DCDC2: variants seen among roughly 807,000 people sequenced by gnomAD.
DCDC2 encodes doublecortin domain-containing protein 2.
DCDC2 carries 40 observed loss-of-function variants against 50.2 expected under a neutral mutation model. The ratio of observed to expected loss-of-function variants is 0.80; its 90% confidence interval spans 0.62 to 1.04. The LOEUF is 1.04. Among genes scored for constraint, DCDC2 ranks in the 50% least tolerant of loss-of-function variants. The pLI is 0.00. For synonymous variants in DCDC2, 234 were observed against 210.6 expected (o/e 1.11, Z -0.96); for missense variants, 570 against 581.9 (o/e 0.98, Z 0.21).
intron 7 of DCDC2, among the ~76,000 whole-genome samples, chr6:24,208,081 A>C (rs1251740494): frequency 6.6e-6 from 1 of 152,132 alleles, no homozygotes; most frequent in Non-Finnish European, 1.5e-5. Context: ...TTTCACCTTG[A>C]TTTCGATCAT....
intron 8 of DCDC2, among the ~76,000 whole-genome samples, chr6:24,185,727 A>ACACC (rs1491520496): frequency 7.7e-6 from 1 of 129,530 alleles, no homozygotes; most frequent in Non-Finnish European, 1.6e-5. Context: ...ACACACACAC[A>ACACC]TATACACACA....
chr6:24,355,592 G>A (rs940120949), intron 1 of DCDC2, among the ~76,000 whole-genome samples: 3 of 152,160 alleles, frequency 2.0e-5, no homozygotes, highest in Non-Finnish European at 4.4e-5. Flanking sequence ...TGAGTCAAGC[G>A]ACTTGCCCAA....
chr6:24,334,098 T>C (rs1281917695), intron 2 of DCDC2, among the ~76,000 whole-genome samples: 4 of 152,232 alleles, frequency 2.6e-5, no homozygotes, highest in Non-Finnish European at 4.4e-5. Flanking sequence ...TTCTGAAGCA[T>C]GATTAGTGGA....
the DCDC2 span, among the ~76,000 whole-genome samples, chr6:24,371,834 A>G: frequency 6.6e-6 from 1 of 152,226 alleles, no homozygotes; most frequent in East Asian, 1.9e-4. Context: ...ACACTTCTCA[A>G]AAGAAGACAT....
rs771843792 is a variant in DCDC2, at chr6:24,291,003, G to T, written c.633C>A (p.Gly211=). The change falls in exon 5 of 10, where the codon GGC becomes GGA. Residue 211 remains glycine (G), a synonymous_variant. Transcript: ENST00000378454. ...AAGGCAGTTTCTTAAACTTATCTCT[G>T]CCAACAGCCACATAAAACTGCCCAT... The part of the protein sequence containing the change: ...LENGQFYVAV[G]RDKFKKLPYS... The T allele has an allele frequency of 3.1e-6, 5 of 1,613,808 alleles. No individual in the cohort carries two copies. The highest frequency in any genetic ancestry group is 4.2e-6 in the Non-Finnish European group (5 of 1,179,822).
chr6:24,205,128 A>C, intron 7 of DCDC2, 26 bp from the exon 8 acceptor site: 1 of 1,614,132 alleles, frequency 6.2e-7, no homozygotes, highest in Non-Finnish European at 8.5e-7. Flanking sequence ...CACAGTGAAA[A>C]TCAAAATCCA....
upstream of DCDC2, among the ~76,000 whole-genome samples, chr6:24,359,382 A>G (rs867783340): frequency 6.8e-5 from 5 of 73,920 alleles, 2 homozygotes; most frequent in East Asian, 5.2e-4. Flanking sequence ...TATATATTTT[A>G]TATATTATAT....
chr6:24,188,259 C>T (rs1761245971), intron 8 of DCDC2, among the ~76,000 whole-genome samples: 1 of 152,168 alleles, frequency 6.6e-6, no homozygotes. Flanking sequence ...GCAATATGCT[C>T]ATGAATATGC....
intron 7 of DCDC2, among the ~76,000 whole-genome samples, chr6:24,225,673 A>G (rs1400697167): frequency 2.0e-5 from 3 of 151,794 alleles, no homozygotes; most frequent in African/African-American, 7.3e-5. Flanking sequence ...CATTTTATAT[A>G]TTACATTAAA....
intron 2 of DCDC2, among the ~76,000 whole-genome samples, chr6:24,342,288 T>A (rs1178145833): frequency 6.6e-6 from 1 of 152,262 alleles, no homozygotes; most frequent in Non-Finnish European, 1.5e-5. Flanking sequence ...TTTCACAGTG[T>A]TGCTTCAAAT....
rs1479213902 is a variant in DCDC2 at position 24,173,055 on chromosome 6, A to T, written c.*1675T>A. The T allele has an allele frequency of 6.7e-6, 1 of 148,758 alleles. No individual in the cohort carries two copies. Among genetic ancestry groups the T allele is most frequent in the Non-Finnish European group, 1.5e-5 (1 of 66,902 alleles). The allele number at this position is 148,758 out of a possible 1,614,324, so 9.2% of individuals were successfully genotyped here. A position where few individuals can be genotyped will look rare whatever the true frequency, so the allele number is the denominator to read the frequency against. On this transcript the variant is annotated 3_prime_UTR_variant, in exon 10 of 10. Coordinates refer to ENST00000378454, the MANE Select transcript of DCDC2 (RefSeq NM_016356.5). ...TGGTCTATTTGCCTACCAACCCAAG[A>T]TTGTTGCTTATAGCCCACAGTGCTT...
At chr6:24,273,664 CTT>C in intron 7 of DCDC2, among the ~76,000 whole-genome samples, 1 of 152,338 alleles carries the variant, frequency 6.6e-6, no homozygotes, top group Non-Finnish European at 1.5e-5. Flanking sequence ...TTCAGAGTCT[CTT>C]GTTACTGGGA....
At chr6:24,255,832 C>T (rs1257386464) in intron 7 of DCDC2, among the ~76,000 whole-genome samples, 1 of 152,048 alleles carries the variant, frequency 6.6e-6, no homozygotes, top group Non-Finnish European at 1.5e-5. Flanking sequence ...ACTAGTATGA[C>T]CTCTTTGGAA....
chr6:24,236,232 C>A (rs913488049), intron 7 of DCDC2, among the ~76,000 whole-genome samples: 3 of 152,064 alleles, frequency 2.0e-5, no homozygotes, highest in African/African-American at 7.2e-5. Context: ...GGCACTGGTA[C>A]AAAAACAGAC....
intron 7 of DCDC2, among the ~76,000 whole-genome samples, chr6:24,274,709 C>CA (rs1478251076): frequency 1.3e-5 from 2 of 150,066 alleles, no homozygotes; most frequent in African/African-American, 4.9e-5. Flanking sequence ...CACATTCATA[C>CA]AGCATTTGGT....
the DCDC2 span, among the ~76,000 whole-genome samples, chr6:24,372,627 G>A: frequency 1.5e-4 from 23 of 152,216 alleles, 1 homozygote; most frequent in East Asian, 2.9e-3. Flanking sequence ...GGACATGGAT[G>A]AAGCTGGAAA....
intron 2 of DCDC2, among the ~76,000 whole-genome samples, chr6:24,333,306 G>C (rs545719108): frequency 9.9e-5 from 15 of 152,246 alleles, no homozygotes; most frequent in African/African-American, 3.6e-4. Context: ...ACGGTGGCAA[G>C]GTCAGAGAAA....
At chr6:24,195,554 G>T (rs1351638758) in intron 8 of DCDC2, among the ~76,000 whole-genome samples, 1 of 152,104 alleles carries the variant, frequency 6.6e-6, no homozygotes, top group African/African-American at 2.4e-5. Flanking sequence ...TCCCAGAACA[G>T]AGTTTCCCAA....
At chr6:24,198,270 G>T (rs1761490766) in intron 8 of DCDC2, among the ~76,000 whole-genome samples, 1 of 152,178 alleles carries the variant, frequency 6.6e-6, no homozygotes, top group African/African-American at 2.4e-5. Flanking sequence ...AACACAGAAG[G>T]CCAGTGATTT....
Sources: allele counts gnomAD v4.1 joint callset (sites outside exome capture counted in the v4.1 genomes callset), GRCh38; gene constraint gnomAD v4.1.1; transcripts MANE v1.5; gene names NCBI Gene and HGNC (gene_info 2026-07-23, HGNC 2026-07-21).